The following LRP1B variants were observed in gnomAD, a reference collection of about 807,000 sequenced individuals.
LRP1B encodes the protein LDL receptor related protein 1B.
A neutral mutation model predicts 556.6 loss-of-function variants in LRP1B; 217 were observed. That is an observed-to-expected ratio of 0.39 (90% CI 0.35 to 0.44). The LOEUF is 0.44. LRP1B is among the 20% of genes least tolerant of loss of function. The pLI is 1.00. For synonymous variants in LRP1B, 2,047 were observed against 1,865.8 expected (o/e 1.10, Z -2.50); for missense variants, 5,053 against 5,620.8 (o/e 0.90, Z 3.23).
chr2:140,371,257 A>G lies in LRP1B; in HGVS notation c.10797T>C (p.Tyr3599=). ...PASPTCSSRE[Y]ICASDGCISA... ...AAATACATCCATCACTGGCACATATATATTCACGTGATGAGCAAGTAGGAG... is the reference window on the plus strand; with the variant it reads ...AAATACATCCATCACTGGCACATATGTATTCACGTGATGAGCAAGTAGGAG... Residue 3599 remains tyrosine (Y), a synonymous_variant, in exon 70 of 91, where the codon TAT becomes TAC. Coordinates refer to ENST00000389484, the MANE Select transcript of LRP1B (RefSeq NM_018557.3). The G allele has an allele frequency of 1.2e-5, 19 of 1,590,922 alleles. No individual in the cohort carries two copies. Among genetic ancestry groups the G allele is most frequent in the Non-Finnish European group, 1.4e-5 (16 of 1,168,614 alleles).
At chr2:141,996,666 C>T (rs912932311) in intron 1 of LRP1B, among the ~76,000 whole-genome samples, 2 of 151,780 alleles carry the variant, frequency 1.3e-5, no homozygotes, top group South Asian at 2.1e-4. Context: ...GTGGAATTTA[C>T]CTTTATTTAA....
intron 2 of LRP1B, among the ~76,000 whole-genome samples, chr2:141,787,778 A>C (rs1695473378): frequency 6.6e-6 from 1 of 151,918 alleles, no homozygotes; most frequent in East Asian, 1.9e-4. Context: ...TTTCCAAATG[A>C]TGTGAGTACT....
chr2:140,813,566 G>A (rs908980829), intron 32 of LRP1B, 91 bp downstream of exon 32: 2 of 1,089,224 alleles, frequency 1.8e-6, no homozygotes, highest in Non-Finnish European at 2.8e-6. Context: ...GGTGTTAGTG[G>A]AGCAGTAACT....
chr2:141,580,068 T>C (rs1181332643), intron 2 of LRP1B, among the ~76,000 whole-genome samples: 1 of 152,200 alleles, frequency 6.6e-6, no homozygotes, highest in Admixed American at 6.5e-5. Flanking sequence ...TGTCACCAAG[T>C]TCTTCTGGCT....
chr2:141,404,066 G>A (rs973450683), intron 3 of LRP1B, among the ~76,000 whole-genome samples: 2 of 152,096 alleles, frequency 1.3e-5, no homozygotes, highest in African/African-American at 2.4e-5. Context: ...AACTCAAAAG[G>A]TTCCAGATGT....
intron 3 of LRP1B, among the ~76,000 whole-genome samples, chr2:141,389,792 C>T (rs1180666739): frequency 6.6e-6 from 1 of 152,108 alleles, no homozygotes; most frequent in Non-Finnish European, 1.5e-5. Flanking sequence ...AACAAAAAGG[C>T]AAACATCCCA....
At chr2:140,532,948 A>ATATATAT (rs56837031) in intron 47 of LRP1B, among the ~76,000 whole-genome samples, 15 of 42,312 alleles carry the variant, frequency 3.5e-4, no homozygotes, top group East Asian at 1.2e-3. Context: ...ATATATATAT[A>ATATATAT]CACATATATA....
chr2:140,845,697 T>G (rs1692253811), intron 29 of LRP1B, among the ~76,000 whole-genome samples: 1 of 152,086 alleles, frequency 6.6e-6, no homozygotes, highest in Non-Finnish European at 1.5e-5. Flanking sequence ...AAGATTCTTT[T>G]GGAAGCATGA....
At chr2:141,097,284 C>G (rs1700346909) in intron 7 of LRP1B, among the ~76,000 whole-genome samples, 1 of 152,056 alleles carries the variant, frequency 6.6e-6, no homozygotes, top group African/African-American at 2.4e-5. Context: ...TTAAAACAAA[C>G]AAAAATCTCT....
chr2:141,138,612 CTA>C (rs1701549013), intron 7 of LRP1B, among the ~76,000 whole-genome samples: 2 of 150,850 alleles, frequency 1.3e-5, no homozygotes, highest in South Asian at 4.2e-4. Context: ...CAATTGGAAA[CTA>C]AAATTTTTTT....
intron 23 of LRP1B, among the ~76,000 whole-genome samples, chr2:140,896,263 A>G (rs147421049): frequency 6.6e-6 from 1 of 152,190 alleles, no homozygotes; most frequent in East Asian, 1.9e-4. Context: ...GAGATTTGAG[A>G]TATATTAAAT....
intron 2 of LRP1B, among the ~76,000 whole-genome samples, chr2:141,751,672 C>T (rs2105568673): frequency 6.6e-6 from 1 of 152,050 alleles, no homozygotes; most frequent in Non-Finnish European, 1.5e-5. Flanking sequence ...TACTCCTGAA[C>T]AGACTATCCA....
At chr2:140,831,542 A>C (rs1299276942) in intron 31 of LRP1B, among the ~76,000 whole-genome samples, 4 of 152,212 alleles carry the variant, frequency 2.6e-5, no homozygotes, top group African/African-American at 9.6e-5. Flanking sequence ...TCAAAGCTTG[A>C]ATCTAAGATG....
chr2:140,314,320 C>CAGTAGAAGAATATGTTT (rs1558793568), intron 83 of LRP1B, among the ~76,000 whole-genome samples: 1 of 151,948 alleles, frequency 6.6e-6, no homozygotes, highest in Non-Finnish European at 1.5e-5. Flanking sequence ...TAATACAAGT[C>CAGTAGAAGAATATGTTT]AGTAGAAGAA....
chr2:141,298,318 A>G (rs12623426), intron 3 of LRP1B, among the ~76,000 whole-genome samples: 18,468 of 152,122 alleles, frequency 0.12, 1,501 homozygotes, highest in African/African-American at 0.22. Flanking sequence ...AGGAATGTCT[A>G]TTTAAGGCAG....
At chr2:140,418,238 A>G (rs1685283428) in intron 66 of LRP1B, among the ~76,000 whole-genome samples, 2 of 152,180 alleles carry the variant, frequency 1.3e-5, no homozygotes, top group African/African-American at 4.8e-5. Context: ...CATCGCAGAG[A>G]TTTTGAAAGA....
chr2:141,841,799 G>T (rs541202529), intron 1 of LRP1B, among the ~76,000 whole-genome samples: 1 of 152,052 alleles, frequency 6.6e-6, no homozygotes. Context: ...TAGCAAGAGG[G>T]TTACCTGCTG....
At chr2:141,368,893 T>C (rs1415888054) in intron 3 of LRP1B, among the ~76,000 whole-genome samples, 1 of 152,140 alleles carries the variant, frequency 6.6e-6, no homozygotes, top group Admixed American at 6.5e-5. Context: ...TTTTTTTCTC[T>C]AAAGCTTACA....
intron 25 of LRP1B, 118 bp from the exon 26 acceptor site, chr2:140,868,381 C>A (rs1693019663): frequency 1.1e-6 from 1 of 907,636 alleles, no homozygotes; most frequent in South Asian, 2.4e-5. Context: ...ACAAGAGAAA[C>A]AGATGTATTA....
Sources: allele counts gnomAD v4.1 joint callset (sites outside exome capture counted in the v4.1 genomes callset), GRCh38; gene constraint gnomAD v4.1.1; transcripts MANE v1.5; gene names NCBI Gene and HGNC (gene_info 2026-07-23, HGNC 2026-07-21).